The following SHANK2 variants were observed in gnomAD, a reference collection of about 807,000 sequenced individuals.
SHANK2 encodes the protein SH3 and multiple ankyrin repeat domains protein 2.
Under a neutral mutation model 133.7 loss-of-function variants are expected in SHANK2, and 43 were observed. That is an observed-to-expected ratio of 0.32 (90% CI 0.25 to 0.41). SHANK2 has a LOEUF of 0.41. Ranked by LOEUF, SHANK2 falls within the 10% of genes least tolerant of loss-of-function variation. The pLI, the probability that SHANK2 is intolerant of heterozygous loss-of-function variation, is 1.00. For missense variants in SHANK2, 1,994 were observed against 2,235.8 expected (o/e 0.89, Z 2.18); for synonymous variants, 1,017 against 952.8 (o/e 1.07, Z -1.24).
chr11:70,872,128 G>A (rs1324265152), intron 11 of SHANK2: 2 of 154,554 alleles, frequency 1.3e-5, no homozygotes, highest in Middle Eastern at 5.2e-4. Context: ...TGCCAATTGC[G>A]GGAGGAGTCC....
chr11:70,767,919 G>A (rs1420563804), intron 14 of SHANK2, among the ~76,000 whole-genome samples: 3 of 152,134 alleles, frequency 2.0e-5, no homozygotes, highest in Non-Finnish European at 4.4e-5. Flanking sequence ...CTTTCCCTCT[G>A]CTTCTTGCAC....
chr11:71,211,127 C>T (rs1427054843), intron 2 of SHANK2, among the ~76,000 whole-genome samples: 3 of 151,362 alleles, frequency 2.0e-5, no homozygotes, highest in South Asian at 4.2e-4. Flanking sequence ...CCCGTGGCTA[C>T]TCCATATTCC....
Position 71,090,350 on chromosome 11 carries a change from C to CTGTG in SHANK2, c.912+2068_912+2071dup, listed in dbSNP as rs1216035619. Among the ~76,000 whole-genome samples, 20 of 7,730 alleles carry CTGTG rather than the reference C, an allele frequency of 2.6e-3. 5 individuals carry two copies. Among genetic ancestry groups the CTGTG allele is most frequent in the Non-Finnish European group, 3.8e-3 (17 of 4,474 alleles). 5.1% of individuals were successfully genotyped at this position (7,730 alleles called of 152,430 possible). A position where few individuals can be genotyped will look rare whatever the true frequency, so the allele number is the denominator to read the frequency against. On this transcript the variant is annotated intron_variant, in intron 8 of 25. Transcript: ENST00000601538. The stretch of plus-strand genomic sequence containing the variant: ...AGGGCTCTCCAGAGAAACACAACCT[C>CTGTG]TGTGTGTGTGTGTGTGTGTGTGTGT...
chr11:70,856,192 AGATGAATGAATGGGTAGATG>A (rs1396134951), intron 11 of SHANK2, among the ~76,000 whole-genome samples: 1 of 151,138 alleles, frequency 6.6e-6, no homozygotes, highest in Non-Finnish European at 1.5e-5. Context: ...ATGAATGAAT[AGATGAATGAATGGGTAGATG>A]GATGAATGAA....
chr11:70,680,724 AC>A (rs1264242889), intron 15 of SHANK2, among the ~76,000 whole-genome samples: 1 of 152,038 alleles, frequency 6.6e-6, no homozygotes, highest in African/African-American at 2.4e-5. Context: ...TGGCCATGCC[AC>A]CCCAGCCTCT....
rs1491563939 is a variant in SHANK2, at chr11:71,210,210, G to GTGTATATATATATATATATATA, written c.-13+14486_-13+14487insTATATATATATATATATATACA. Among the ~76,000 whole-genome samples the GTGTATATATATATATATATATA allele has an allele frequency of 4.4e-4, 24 of 54,060 alleles. 3 individuals carry two copies. Among genetic ancestry groups the GTGTATATATATATATATATATA allele is most frequent in the East Asian group, 3.2e-3 (3 of 944 alleles). The allele number at this position is 54,060 out of a possible 152,430, so 35.5% of individuals were successfully genotyped here. On this transcript the variant is annotated intron_variant, in intron 2 of 25. Coordinates refer to ENST00000601538, the MANE Select transcript of SHANK2 (RefSeq NM_012309.5). ...GGTCCTCTTCATTGGAAATCCACAG[G>GTGTATATATATATATATATATA]TATATATATATATATATATATATAT...
At chr11:70,519,700 G>A (rs1291278210) in intron 17 of SHANK2, among the ~76,000 whole-genome samples, 2 of 151,998 alleles carry the variant, frequency 1.3e-5, no homozygotes, top group Admixed American at 6.6e-5. Context: ...TAAGAACATA[G>A]CTGATAAAAG....
intron 2 of SHANK2, among the ~76,000 whole-genome samples, chr11:71,159,942 G>A (rs1174092998): frequency 1.3e-4 from 19 of 147,258 alleles, no homozygotes; most frequent in Admixed American, 6.1e-4. Flanking sequence ...AGCCTAGATC[G>A]TGCCACTGCA....
chr11:70,813,639 G>A (rs782599813), intron 12 of SHANK2, among the ~76,000 whole-genome samples: 2 of 152,060 alleles, frequency 1.3e-5, no homozygotes, highest in Non-Finnish European at 2.9e-5. Flanking sequence ...GTCAGCTCAG[G>A]TCTCTGGCAC....
At chr11:70,947,085 C>A (rs1555085619) in intron 10 of SHANK2, among the ~76,000 whole-genome samples, 1 of 151,496 alleles carries the variant, frequency 6.6e-6, no homozygotes, top group Non-Finnish European at 1.5e-5. Flanking sequence ...CTTGGAAAAT[C>A]TCCCTGTGCT....
chr11:70,544,486 G>T (rs782438129), intron 17 of SHANK2, among the ~76,000 whole-genome samples: 1 of 152,180 alleles, frequency 6.6e-6, no homozygotes, highest in African/African-American at 2.4e-5. Flanking sequence ...AGTGACTGAC[G>T]GATCTCACTG....
chr11:70,596,831 CGGA>C (rs2060408242), intron 17 of SHANK2, among the ~76,000 whole-genome samples: 2 of 152,278 alleles, frequency 1.3e-5, no homozygotes, highest in South Asian at 4.2e-4. Flanking sequence ...CGAGGCTTCT[CGGA>C]GGAGGAGAGA....
chr11:70,744,341 A>G (rs782242850), intron 14 of SHANK2, among the ~76,000 whole-genome samples: 1 of 152,186 alleles, frequency 6.6e-6, no homozygotes, highest in Non-Finnish European at 1.5e-5. Flanking sequence ...TGCAGCAAGC[A>G]TCACTGAGAC....
intron 12 of SHANK2, among the ~76,000 whole-genome samples, chr11:70,811,560 GATCC>G (rs1200638193): frequency 6.6e-6 from 1 of 150,420 alleles, no homozygotes; most frequent in Non-Finnish European, 1.5e-5. Context: ...ATCCATCATC[GATCC>G]ATCCATCCAT....
At chr11:70,593,053 C>A (rs1216461749) in intron 17 of SHANK2, among the ~76,000 whole-genome samples, 1 of 152,226 alleles carries the variant, frequency 6.6e-6, no homozygotes, top group African/African-American at 2.4e-5. Flanking sequence ...AAACTTCCCA[C>A]GTCTGTCTGG....
At chr11:70,684,922 G>A (rs1374013215) in intron 15 of SHANK2, among the ~76,000 whole-genome samples, 3 of 152,184 alleles carry the variant, frequency 2.0e-5, no homozygotes, top group Admixed American at 6.5e-5. Context: ...CAAAGGTGAG[G>A]ATAATTTGGG....
intron 16 of SHANK2, among the ~76,000 whole-genome samples, chr11:70,660,853 A>T (rs2061477021): frequency 6.6e-6 from 1 of 152,240 alleles, no homozygotes; most frequent in Admixed American, 6.5e-5. Context: ...CCCCTGGCAC[A>T]GCGCGTAAGC....
At position 70,486,522 on chromosome 11, in the gene SHANK2, C is replaced by T. The variant is rs1555153678; in HGVS notation, c.3771G>A (p.Leu1257=). ...LYIDTKMRPS[L]DAGFPTVTRQ... is the part of the protein sequence containing the mutation. The stretch of plus-strand genomic sequence containing the variant: ...TGGTGACCGTAGGGAAGCCGGCATC[C>T]AGGCTGGGCCGCATTTTGGTATCAA... The change falls in exon 25 of 26, where the codon CTG becomes CTA. Residue 1257 remains leucine, a synonymous_variant. Coordinates refer to ENST00000601538, the MANE Select transcript of SHANK2 (RefSeq NM_012309.5). This position sits in a 1 kb window ranked among gnomAD's most constrained non-coding sequence, Gnocchi z 8.0. 6.2e-7 allele frequency: 1 copy of T among 1,614,184 alleles called. No individual in the cohort carries two copies. The highest frequency in any genetic ancestry group is 1.1e-5 in the South Asian group (1 of 91,090).
At chr11:70,675,615 C>T (rs1481944155) in intron 15 of SHANK2, among the ~76,000 whole-genome samples, 1 of 152,216 alleles carries the variant, frequency 6.6e-6, no homozygotes, top group African/African-American at 2.4e-5. Context: ...GGCGTTGGTC[C>T]TAGCAGCATG....
Sources: gnomAD v4.1 joint callset for allele counts (sites outside exome capture counted in the v4.1 genomes callset) on GRCh38, gnomAD v4.1.1 for gene constraint, Gnocchi (gnomAD v3.1) non-coding constraint, MANE v1.5 for transcripts, NCBI Gene and HGNC (gene_info 2026-07-23, HGNC 2026-07-21) for gene names.